Variants in GALNT13 observed in about 807,000 individuals in gnomAD.
The protein encoded by GALNT13 is polypeptide N-acetylgalactosaminyltransferase 13, also known as UDP-GalNAc:polypeptide N-acetylgalactosaminyltransferase 13.
Under a neutral mutation model 64.2 loss-of-function variants are expected in GALNT13, and 28 were observed. That is an observed-to-expected ratio of 0.44 (90% CI 0.32 to 0.60). The LOEUF (loss-of-function observed/expected upper bound fraction) is 0.60, where lower values mean the gene tolerates loss of function less well. Among genes scored for constraint, GALNT13 ranks in the 20% least tolerant of loss-of-function variants. The pLI, the probability that GALNT13 is intolerant of heterozygous loss-of-function variation, is 0.05. For missense variants in GALNT13, 577 were observed against 669.8 expected, an observed-to-expected ratio of 0.86 and a Z score of 1.53; for synonymous variants, 214 against 224.6, an observed-to-expected ratio of 0.95 and a Z score of 0.42.
At position 154,453,443 on chromosome 2, in the gene GALNT13, C is replaced by G. The variant is rs936146067; in HGVS notation, c.*2892C>G. ...CTCTTACTTACCCTATTATGGCTCC[C>G]AAGAAAGTTCCTGCTTTAGTGTTTT... On this transcript the variant is annotated 3_prime_UTR_variant, in exon 13 of 13. Coordinates refer to ENST00000392825, the MANE Select transcript of GALNT13 (RefSeq NM_052917.4). 1 of 152,226 alleles carries G rather than the reference C, an allele frequency of 6.6e-6. No homozygotes were observed. 9.4% of individuals were successfully genotyped at this position (152,226 alleles called of 1,614,324 possible). A position where few individuals can be genotyped will look rare whatever the true frequency, so the allele number is the denominator to read the frequency against.
At chr2:153,152,265 G>C in the GALNT13 span, among the ~76,000 whole-genome samples, 1 of 152,064 alleles carries the variant, frequency 6.6e-6, no homozygotes, top group Admixed American at 6.6e-5. Flanking sequence ...AAACAACTTT[G>C]TCCCAGGGAA....
chr2:153,757,575 TG>T, the GALNT13 span, among the ~76,000 whole-genome samples: 1 of 152,118 alleles, frequency 6.6e-6, no homozygotes, highest in South Asian at 2.1e-4. Flanking sequence ...TGTTCACCAA[TG>T]GTTGTACCAA....
chr2:153,681,467 A>G, the GALNT13 span, among the ~76,000 whole-genome samples: 2,186 of 151,978 alleles, frequency 0.014, 146 homozygotes, highest in Admixed American at 0.12. Context: ...TCTCCTCTTG[A>G]ATACTAACAT....
At chr2:153,466,485 T>C in the GALNT13 span, among the ~76,000 whole-genome samples, 41 of 151,958 alleles carry the variant, frequency 2.7e-4, no homozygotes, top group African/African-American at 9.6e-4. Flanking sequence ...TGTTTACAAG[T>C]TTGTAAAAAT....
At chr2:154,302,792 A>G (rs1474998330) in intron 9 of GALNT13, among the ~76,000 whole-genome samples, 4 of 152,120 alleles carry the variant, frequency 2.6e-5, no homozygotes, top group Middle Eastern at 6.3e-3. Context: ...GAGGTTGTGG[A>G]AACCAAGGTT....
the GALNT13 span, among the ~76,000 whole-genome samples, chr2:153,763,455 G>T: frequency 3.9e-5 from 6 of 152,094 alleles, no homozygotes; most frequent in Admixed American, 6.6e-5. Flanking sequence ...CTGTTGTCAC[G>T]ATAGTGAATA....
the GALNT13 span, among the ~76,000 whole-genome samples, chr2:153,864,983 C>T: frequency 6.7e-6 from 1 of 148,642 alleles, no homozygotes; most frequent in African/African-American, 2.5e-5. Context: ...TGGAACAGAA[C>T]AGAGCCCTCA....
At chr2:154,383,888 C>T (rs1698390035) in intron 9 of GALNT13, among the ~76,000 whole-genome samples, 1 of 139,170 alleles carries the variant, frequency 7.2e-6, no homozygotes, top group African/African-American at 2.7e-5. Context: ...AGATATATTT[C>T]TAAAACATAC....
At chr2:154,334,322 C>T (rs919883533) in intron 9 of GALNT13, among the ~76,000 whole-genome samples, 50 of 151,868 alleles carry the variant, frequency 3.3e-4, no homozygotes, top group African/African-American at 9.7e-5. Flanking sequence ...CAATAGCATT[C>T]GACACCCTGT....
the GALNT13 span, among the ~76,000 whole-genome samples, chr2:153,672,332 C>A: frequency 6.6e-6 from 1 of 152,122 alleles, no homozygotes; most frequent in African/African-American, 2.4e-5. Context: ...TGTAAAAGAA[C>A]AGAAATCACA....
chr2:153,126,574 T>C, the GALNT13 span, among the ~76,000 whole-genome samples: 4 of 152,018 alleles, frequency 2.6e-5, no homozygotes, highest in Non-Finnish European at 5.9e-5. Context: ...CCCACGTCTT[T>C]CCACTATGCC....
intron 3 of GALNT13, among the ~76,000 whole-genome samples, chr2:153,973,828 A>G (rs1255183962): frequency 6.6e-6 from 1 of 152,052 alleles, no homozygotes; most frequent in Non-Finnish European, 1.5e-5. Context: ...TAGTGGAATT[A>G]GATGAACATG....
chr2:153,829,242 T>A, the GALNT13 span, among the ~76,000 whole-genome samples: 4 of 152,042 alleles, frequency 2.6e-5, no homozygotes, highest in Non-Finnish European at 4.4e-5. Context: ...CACCCCACTC[T>A]ACTGGTACCA....
the GALNT13 span, among the ~76,000 whole-genome samples, chr2:153,589,657 G>A: frequency 6.6e-6 from 1 of 152,166 alleles, no homozygotes; most frequent in Non-Finnish European, 1.5e-5. Flanking sequence ...ATGGAAGAAG[G>A]CAAGGAGGAG....
the GALNT13 span, among the ~76,000 whole-genome samples, chr2:153,074,590 A>G: frequency 3.3e-5 from 5 of 152,166 alleles, no homozygotes; most frequent in African/African-American, 1.2e-4. Flanking sequence ...CAATGTTACC[A>G]TGGCTACAGC....
rs1043990974 is a variant in GALNT13 at position 154,115,518 on chromosome 2, T to G, written c.143-24819T>G. 6.6e-5 allele frequency among the ~76,000 whole-genome samples: 10 copies of G among 152,000 alleles called. No individual in the cohort carries two copies. In the East Asian group the frequency reaches 1.7e-3, roughly 27 times the overall value. On this transcript the variant is annotated intron_variant, in intron 3 of 12. Transcript: ENST00000392825. The stretch of plus-strand genomic sequence containing the variant: ...TCACTGCAACTTCTGCCTCCCAGGT[T>G]TAAGTGATTCTCCTACCTCAGCCCC...
chr2:153,478,800 G>C, the GALNT13 span: 2 of 464,146 alleles, frequency 4.3e-6, no homozygotes, highest in Non-Finnish European at 7.8e-6. Flanking sequence ...GCTCGTTCCC[G>C]GCGCTCGCTC....
the GALNT13 span, among the ~76,000 whole-genome samples, chr2:153,240,361 A>T: frequency 6.6e-6 from 1 of 152,000 alleles, no homozygotes; most frequent in African/African-American, 2.4e-5. Context: ...TCCCTGTCTT[A>T]ATAAGTTGGC....
At chr2:154,075,020 A>G (rs1700914243) in intron 3 of GALNT13, among the ~76,000 whole-genome samples, 1 of 151,878 alleles carries the variant, frequency 6.6e-6, no homozygotes, top group Admixed American at 6.6e-5. Flanking sequence ...CACCACTTCT[A>G]TTCAACATAG....
Sources: allele counts gnomAD v4.1 joint callset (sites outside exome capture counted in the v4.1 genomes callset), GRCh38; gene constraint gnomAD v4.1.1; transcripts MANE v1.5; gene names NCBI Gene and HGNC (gene_info 2026-07-23, HGNC 2026-07-21).